IL1RAPL1: variants seen among roughly 807,000 people sequenced by gnomAD.
IL1RAPL1 encodes the protein interleukin 1 receptor accessory protein like 1, also known as interleukin-1 receptor accessory protein-like 1.
A neutral mutation model predicts 48.4 loss-of-function variants in IL1RAPL1; 3 were observed. That is an observed-to-expected ratio of 0.06 (90% CI 0.03 to 0.16). The LOEUF (loss-of-function observed/expected upper bound fraction) is 0.16. Ranked by LOEUF, IL1RAPL1 falls within the 10% of genes least tolerant of loss-of-function variation. IL1RAPL1 has a pLI of 1.00. For missense variants in IL1RAPL1, 349 were observed against 530.6 expected, an observed-to-expected ratio of 0.66 and a Z score of 3.36; for synonymous variants, 185 against 187.7, an observed-to-expected ratio of 0.99 and a Z score of 0.12.
chrX:28,704,421 AACACACAC>A (rs71703533), intron 1 of IL1RAPL1, among the ~76,000 whole-genome samples: 1,536 of 89,468 alleles, frequency 0.017, 14 homozygotes, highest in African/African-American at 0.044. Context: ...AAAACACACA[AACACACAC>A]ACACACACAC....
rs185860767 is a variant in IL1RAPL1 at position 29,457,646 on chromosome X, A to G, written c.703+58338A>G. Reference sequence around the variant, plus strand: ...TGTGAATAGCATGGGTGAAGAAGATACAAGTGCATGTGTCTTTTTGGTAGA... The same window carrying G: ...TGTGAATAGCATGGGTGAAGAAGATGCAAGTGCATGTGTCTTTTTGGTAGA... On this transcript the variant is annotated intron_variant, in intron 5 of 10. Coordinates refer to ENST00000378993, the MANE Select transcript of IL1RAPL1 (RefSeq NM_014271.4). 3.1e-3 allele frequency among the ~76,000 whole-genome samples: 353 copies of G among 112,353 alleles called. 1 individual carries two copies. The highest frequency in any genetic ancestry group is 0.01 in the African/African-American group (313 of 30,971).
intron 6 of IL1RAPL1, among the ~76,000 whole-genome samples, chrX:29,781,430 C>T (rs918391265): frequency 6.3e-4 from 70 of 111,767 alleles, no homozygotes; most frequent in Middle Eastern, 4.6e-3. Context: ...TTGTATGGAA[C>T]CTTTTCTGCC....
At chrX:29,539,308 A>G (rs1006998282) in intron 5 of IL1RAPL1, among the ~76,000 whole-genome samples, 14 of 111,856 alleles carry the variant, frequency 1.3e-4, no homozygotes, top group African/African-American at 4.6e-4. Context: ...AAAAACAGAA[A>G]CCATGTGATC....
chrX:28,704,076 T>G (rs1188935449), intron 1 of IL1RAPL1, among the ~76,000 whole-genome samples: 1 of 111,670 alleles, frequency 9.0e-6, no homozygotes, highest in Non-Finnish European at 1.9e-5. Flanking sequence ...CATGAAATAA[T>G]AGGCAACACT....
chrX:29,894,243 A>C (rs191813973), intron 6 of IL1RAPL1, among the ~76,000 whole-genome samples: 1 of 112,324 alleles, frequency 8.9e-6, no homozygotes, highest in East Asian at 2.8e-4. Flanking sequence ...TGTTTATAAA[A>C]TTATTTCATT....
chrX:29,469,271 A>G (rs715329), intron 5 of IL1RAPL1, among the ~76,000 whole-genome samples: 1 of 111,580 alleles, frequency 9.0e-6, no homozygotes, highest in Non-Finnish European at 1.9e-5. Context: ...ATCTGTTTGC[A>G]TAATAAACCA....
intron 10 of IL1RAPL1, 137 bp downstream of exon 10, chrX:29,954,829 T>C: frequency 1.7e-6 from 1 of 574,445 alleles, no homozygotes; most frequent in Non-Finnish European, 2.9e-6. Flanking sequence ...AGAAACGTCT[T>C]TGTGTGTTCA....
At chrX:29,221,045 G>A (rs1930963967) in intron 2 of IL1RAPL1, among the ~76,000 whole-genome samples, 3 of 111,092 alleles carry the variant, frequency 2.7e-5, no homozygotes, top group African/African-American at 9.8e-5. Context: ...TCGGCCTCCT[G>A]AGTAGCTGGG....
chrX:29,434,549 C>G (rs957616057), intron 5 of IL1RAPL1, among the ~76,000 whole-genome samples: 1 of 110,490 alleles, frequency 9.1e-6, no homozygotes, highest in African/African-American at 3.3e-5. Flanking sequence ...TCCACTTCTC[C>G]AAAGTTATTT....
chrX:28,701,102 G>A (rs1049943136), intron 1 of IL1RAPL1, among the ~76,000 whole-genome samples: 2 of 111,301 alleles, frequency 1.8e-5, no homozygotes, highest in African/African-American at 6.5e-5. Flanking sequence ...TGGTATTTCT[G>A]GTTCTGGATC....
chrX:29,378,130 A>C (rs1253720539), intron 3 of IL1RAPL1, among the ~76,000 whole-genome samples: 1 of 107,293 alleles, frequency 9.3e-6, no homozygotes, highest in East Asian at 2.9e-4. Context: ...TCTTTGAGCT[A>C]TGAGATTCTT....
At chrX:29,690,243 C>T (rs768489775) in intron 6 of IL1RAPL1, among the ~76,000 whole-genome samples, 14 of 111,600 alleles carry the variant, frequency 1.3e-4, no homozygotes, top group South Asian at 7.5e-4. Flanking sequence ...TGTGGTTACA[C>T]GACGATAGTA....
chrX:28,785,766 G>A (rs1454651125), intron 1 of IL1RAPL1, among the ~76,000 whole-genome samples: 2 of 111,699 alleles, frequency 1.8e-5, no homozygotes, highest in African/African-American at 3.3e-5. Flanking sequence ...GTTTTAACAG[G>A]GCCAGTCTAA....
chrX:28,672,227 A>G (rs2106417), intron 1 of IL1RAPL1, among the ~76,000 whole-genome samples: 31,380 of 107,651 alleles, frequency 0.29, 3,492 homozygotes, highest in Admixed American at 0.4. Context: ...AAGAATGTTA[A>G]AAAAAAAATA....
chrX:29,075,813 C>T (rs1284407268), intron 2 of IL1RAPL1, among the ~76,000 whole-genome samples: 1 of 111,239 alleles, frequency 9.0e-6, no homozygotes, highest in Non-Finnish European at 1.9e-5. Context: ...TTGGGCAATA[C>T]CCAGGACTGA....
intron 2 of IL1RAPL1, among the ~76,000 whole-genome samples, chrX:28,959,047 A>G (rs1054478137): frequency 9.0e-6 from 1 of 111,382 alleles, no homozygotes. Flanking sequence ...ATACGTGACG[A>G]TCAGCATATT....
chrX:29,404,936 C>T (rs765375377), intron 5 of IL1RAPL1, among the ~76,000 whole-genome samples: 56 of 111,287 alleles, frequency 5.0e-4, no homozygotes, highest in Non-Finnish European at 3.0e-4. Context: ...TGTTTTGAGA[C>T]GGAGTCTTGC....
At chrX:28,844,971 A>C (rs1423505435) in intron 2 of IL1RAPL1, among the ~76,000 whole-genome samples, 1 of 111,671 alleles carries the variant, frequency 9.0e-6, no homozygotes, top group Non-Finnish European at 1.9e-5. Context: ...GATTACCTAT[A>C]TCTTGAGTGA....
chrX:28,721,920 T>C (rs1182959996), intron 1 of IL1RAPL1, among the ~76,000 whole-genome samples: 1 of 111,536 alleles, frequency 9.0e-6, no homozygotes, highest in African/African-American at 3.3e-5. Context: ...TGTGGAATTA[T>C]TTCTGAGGGC....
Sources: allele counts gnomAD v4.1 joint callset (sites outside exome capture counted in the v4.1 genomes callset), GRCh38; gene constraint gnomAD v4.1.1; transcripts MANE v1.5; gene names NCBI Gene and HGNC (gene_info 2026-07-23, HGNC 2026-07-21).